EMC2: variants seen among roughly 807,000 people sequenced by gnomAD.
EMC2 encodes TPR repeat protein 35.
A neutral mutation model predicts 51.6 loss-of-function variants in EMC2; 37 were observed. That is an observed-to-expected ratio of 0.72 (90% CI 0.55 to 0.94). EMC2 has a LOEUF of 0.94. Ranked by LOEUF, EMC2 falls within the 40% of genes least tolerant of loss-of-function variation. EMC2 has a pLI of 0.00. For synonymous variants in EMC2, 131 were observed against 112.4 expected, an observed-to-expected ratio of 1.17 and a Z score of -1.04; for missense variants, 359 against 350.9, an observed-to-expected ratio of 1.02 and a Z score of -0.18.
intron 1 of EMC2, among the ~76,000 whole-genome samples, chr8:108,445,795 T>C (rs1431022985): frequency 6.6e-6 from 1 of 152,222 alleles, no homozygotes; most frequent in East Asian, 1.9e-4. Flanking sequence ...GGGGCGGAGC[T>C]CAGTAATTAT....
chr8:108,461,068 T>C (rs1450169026), intron 5 of EMC2, among the ~76,000 whole-genome samples: 1 of 152,234 alleles, frequency 6.6e-6, no homozygotes, highest in Non-Finnish European at 1.5e-5. Flanking sequence ...TTCACTAATA[T>C]GCAACAGCTA....
intron 10 of EMC2, among the ~76,000 whole-genome samples, chr8:108,482,449 G>A (rs1811060119): frequency 6.6e-6 from 1 of 151,940 alleles, no homozygotes; most frequent in Non-Finnish European, 1.5e-5. Flanking sequence ...ATTTGTTTGT[G>A]TTTTTTGTGT....
chr8:108,454,099 C>G (rs527581162), intron 4 of EMC2, among the ~76,000 whole-genome samples: 22 of 152,030 alleles, frequency 1.4e-4, no homozygotes, highest in Admixed American at 2.6e-4. Context: ...TCTGTTGTAT[C>G]TTTGTATTTA....
At chr8:108,485,187 C>G (rs1242085308) in intron 10 of EMC2, among the ~76,000 whole-genome samples, 2 of 151,576 alleles carry the variant, frequency 1.3e-5, no homozygotes, top group Non-Finnish European at 3.0e-5. Flanking sequence ...ATCACTTAAT[C>G]TTTCTGAACA....
chr8:108,477,115 C>G (rs916929229), intron 9 of EMC2, among the ~76,000 whole-genome samples: 2 of 151,772 alleles, frequency 1.3e-5, no homozygotes, highest in Admixed American at 1.3e-4. Context: ...TCTTTTATAT[C>G]AGAATTGAAA....
chr8:108,462,384 A>G (rs1819351629), intron 5 of EMC2, among the ~76,000 whole-genome samples: 1 of 152,178 alleles, frequency 6.6e-6, no homozygotes, highest in Non-Finnish European at 1.5e-5. Context: ...TCTTGATGAA[A>G]AAGTTTCTTT....
At chr8:108,445,939 T>C (rs1040636362) in intron 1 of EMC2, among the ~76,000 whole-genome samples, 2 of 152,232 alleles carry the variant, frequency 1.3e-5, no homozygotes, top group Non-Finnish European at 2.9e-5. Context: ...ATCATTCTTC[T>C]CTTAGCTTGA....
At chr8:108,469,158 T>C (rs545678761) in intron 5 of EMC2, among the ~76,000 whole-genome samples, 3 of 152,332 alleles carry the variant, frequency 2.0e-5, no homozygotes, top group Non-Finnish European at 2.9e-5. Context: ...CAAGGAATTA[T>C]CATTTCTTTT....
chr8:108,466,732 G>T (rs527777812), intron 5 of EMC2, among the ~76,000 whole-genome samples: 7 of 152,166 alleles, frequency 4.6e-5, no homozygotes, highest in African/African-American at 7.2e-5. Flanking sequence ...GGGATTACAG[G>T]CATGAACCAC....
In EMC2 at chr8:108,488,848, G is replaced by A. The variant is rs919551288; in HGVS notation, c.*2250G>A. ...AGCTACTAACCATATGTGATATTGA[G>A]TACTTGATATGTGACTACTGCAATT... On this transcript the variant is annotated 3_prime_UTR_variant, in exon 11 of 11. Coordinates refer to ENST00000220853, the MANE Select transcript of EMC2 (RefSeq NM_014673.5). 3.3e-5 allele frequency among the ~76,000 whole-genome samples: 5 copies of A among 152,182 alleles called. No homozygotes were observed. The highest frequency in any genetic ancestry group is 1.2e-4 in the African/African-American group (5 of 41,456).
intron 3 of EMC2, among the ~76,000 whole-genome samples, chr8:108,452,542 G>A (rs1207981648): frequency 6.6e-6 from 1 of 152,100 alleles, no homozygotes; most frequent in Non-Finnish European, 1.5e-5. Context: ...ATTCTAACCT[G>A]GGTAACAGAG....
chr8:108,452,421 G>T (rs1160720024), intron 3 of EMC2, among the ~76,000 whole-genome samples: 1 of 152,118 alleles, frequency 6.6e-6, no homozygotes, highest in East Asian at 1.9e-4. Context: ...ACAAAAATGA[G>T]CTGGGTGTGG....
chr8:108,465,052 G>GGTA (rs1312519802), intron 5 of EMC2, among the ~76,000 whole-genome samples: 1 of 152,028 alleles, frequency 6.6e-6, no homozygotes, highest in African/African-American at 2.4e-5. Context: ...TCCTTTTCTA[G>GGTA]GTAGTATCTC....
At chr8:108,456,275 G>T (rs1256260854) in intron 5 of EMC2, among the ~76,000 whole-genome samples, 1 of 138,026 alleles carries the variant, frequency 7.2e-6, no homozygotes, top group East Asian at 2.3e-4. Flanking sequence ...AGAGGTTGCA[G>T]TGAGCTGAGA....
At position 108,479,210 on chromosome 8, in the gene EMC2, A is replaced by G. The variant is rs891357544; in HGVS notation, c.807+100A>G. ...GTCGTATGTCTAGCATTGGACTTAT[A>G]TATGCCTTTGGGGCTTTATCAAATG... On this transcript the variant is annotated intron_variant, in intron 10 of 10. Transcript: ENST00000220853. The G allele has an allele frequency of 8.0e-6, 4 of 500,746 alleles. No homozygotes were observed. The East Asian group carries it at 1.0e-4, about 13-fold the overall frequency. The allele number at this position is 500,746 out of a possible 1,614,324, so 31.0% of individuals were successfully genotyped here.
chr8:108,469,098 T>C (rs1810799020), intron 5 of EMC2, among the ~76,000 whole-genome samples: 1 of 152,204 alleles, frequency 6.6e-6, no homozygotes, highest in Non-Finnish European at 1.5e-5. Context: ...TTGCTCTTAC[T>C]GCATTAACTT....
chr8:108,474,632 T>A (rs1272591250), intron 7 of EMC2: 1 of 151,840 alleles, frequency 6.6e-6, no homozygotes, highest in Non-Finnish European at 1.5e-5. Flanking sequence ...TATTAGGTAA[T>A]CTGCAGGGTG....
chr8:108,449,949 A>G lies in EMC2; in HGVS notation c.154+13A>G, dbSNP rs1335757422. On this transcript the variant is annotated intron_variant, in intron 2 of 10. Transcript: ENST00000220853. ...CTGGGAGATGATAGTAAGTTCTTTT[A>G]TTACATTCAGGCTCAGTACATGCCT... The G allele has an allele frequency of 5.6e-6, 7 of 1,254,382 alleles. No individual in the cohort carries two copies. The highest frequency in any genetic ancestry group is 8.1e-6 in the Non-Finnish European group (7 of 862,918). 77.7% of individuals were successfully genotyped at this position (1,254,382 alleles called of 1,614,324 possible).
At chr8:108,471,170 G>C (rs1810848255) in intron 7 of EMC2, among the ~76,000 whole-genome samples, 1 of 151,914 alleles carries the variant, frequency 6.6e-6, no homozygotes, top group Non-Finnish European at 1.5e-5. Flanking sequence ...ATTCAGTATA[G>C]ATGATATGCT....
Sources: allele counts gnomAD v4.1 joint callset (sites outside exome capture counted in the v4.1 genomes callset), GRCh38; gene constraint gnomAD v4.1.1; transcripts MANE v1.5; gene names NCBI Gene and HGNC (gene_info 2026-07-23, HGNC 2026-07-21).